The following CEP112 variants were observed in gnomAD, a reference collection of about 807,000 sequenced individuals.
The protein encoded by CEP112 is centrosomal protein 112, also known as centrosomal protein of 112 kDa.
In CEP112, 127 loss-of-function variants were observed where a neutral mutation model predicts 153.0. That is an observed-to-expected ratio of 0.83 (90% confidence interval 0.72 to 0.96). The LOEUF (loss-of-function observed/expected upper bound fraction) is 0.96. Among genes scored for constraint, CEP112 ranks in the 40% least tolerant of loss-of-function variants. The probability of loss-of-function intolerance (pLI) is 0.00; values close to 1 mark genes in which losing one functional copy is unlikely to be tolerated. For missense variants in CEP112, 1,089 were observed against 1,101.2 expected (o/e 0.99, Z 0.16); for synonymous variants, 358 against 374.4 (o/e 0.96, Z 0.51).
chr17:65,650,094 C>T (rs1273786349), intron 24 of CEP112, among the ~76,000 whole-genome samples: 1 of 152,232 alleles, frequency 6.6e-6, no homozygotes, highest in East Asian at 1.9e-4. Flanking sequence ...TTGCTTTCTT[C>T]CAATTCATTC....
intron 17 of CEP112, among the ~76,000 whole-genome samples, chr17:65,972,014 A>G (rs1272160456): frequency 6.6e-6 from 1 of 152,200 alleles, no homozygotes; most frequent in African/African-American, 2.4e-5. Flanking sequence ...ATAAAGAGCT[A>G]GGATAACTAG....
At chr17:65,770,458 C>T (rs2053276709) in intron 21 of CEP112, among the ~76,000 whole-genome samples, 1 of 151,938 alleles carries the variant, frequency 6.6e-6, no homozygotes, top group African/African-American at 2.4e-5. Flanking sequence ...AATTTGTCAC[C>T]AGTAGATGTG....
intron 21 of CEP112, among the ~76,000 whole-genome samples, chr17:65,831,755 G>T (rs1454087162): frequency 2.0e-5 from 3 of 151,948 alleles, no homozygotes; most frequent in African/African-American, 7.3e-5. Context: ...TTCAACAGCA[G>T]ACTTGACAAA....
intron 16 of CEP112, among the ~76,000 whole-genome samples, chr17:66,022,711 G>GTAA (rs60618756): frequency 3.1e-5 from 4 of 127,058 alleles, no homozygotes; most frequent in African/African-American, 3.0e-5. Flanking sequence ...TCCGCCTCAA[G>GTAA]AAAAAAAAAA....
At chr17:65,890,448 C>A (rs955529857) in intron 20 of CEP112, among the ~76,000 whole-genome samples, 2 of 152,158 alleles carry the variant, frequency 1.3e-5, no homozygotes, top group African/African-American at 4.8e-5. Context: ...TCTAATGGAA[C>A]CTCTTCTGAT....
intron 17 of CEP112, among the ~76,000 whole-genome samples, chr17:65,998,983 A>G (rs2063904826): frequency 6.6e-6 from 1 of 152,074 alleles, no homozygotes; most frequent in Non-Finnish European, 1.5e-5. Flanking sequence ...ATACAGAAAT[A>G]CTTTTATATC....
chr17:66,048,899 A>G (rs8078773), intron 12 of CEP112, among the ~76,000 whole-genome samples: 149,310 of 152,270 alleles, frequency 0.98, 73,269 homozygotes, highest in East Asian at 1. Context: ...GAGAGCCACC[A>G]CGCCAGGCCA....
At chr17:66,111,574 T>C (rs1473592983) in intron 6 of CEP112, among the ~76,000 whole-genome samples, 1 of 152,146 alleles carries the variant, frequency 6.6e-6, no homozygotes, top group Non-Finnish European at 1.5e-5. Context: ...AGCTAGAGGC[T>C]ATTACACTTA....
chr17:65,810,893 T>G (rs971384587), intron 21 of CEP112, among the ~76,000 whole-genome samples: 1 of 151,956 alleles, frequency 6.6e-6, no homozygotes, highest in Non-Finnish European at 1.5e-5. Flanking sequence ...AGGTGGAACA[T>G]GGATATAGAT....
intron 20 of CEP112, among the ~76,000 whole-genome samples, chr17:65,871,696 T>C: frequency 6.6e-6 from 1 of 152,230 alleles, no homozygotes; most frequent in South Asian, 2.1e-4. Flanking sequence ...GAAATCACTC[T>C]AATGCCATTA....
chr17:66,119,902 T>C (rs968283393), intron 6 of CEP112, among the ~76,000 whole-genome samples: 1 of 152,180 alleles, frequency 6.6e-6, no homozygotes. Context: ...GTCAGGTCTT[T>C]GTTTGTTTTC....
chr17:66,052,527 T>C (rs1214080297), intron 12 of CEP112, among the ~76,000 whole-genome samples: 1 of 152,094 alleles, frequency 6.6e-6, no homozygotes, highest in Non-Finnish European at 1.5e-5. Context: ...CAATGAAGAT[T>C]CTCTTTGGGA....
rs544192914 is a variant in CEP112, at chr17:66,128,968, A to C, written c.642+778T>G. The stretch of plus-strand genomic sequence containing the variant: ...GTCTCTGTTGATTTTTATTCCTCTG[A>C]TTTTCTATATTTTTCAAATTACAAA... On this transcript the variant is annotated intron_variant, in intron 6 of 26. Coordinates refer to ENST00000535342, the MANE Select transcript of CEP112 (RefSeq NM_001199165.4). 9.1e-4 allele frequency among the ~76,000 whole-genome samples: 138 copies of C among 152,194 alleles called. 1 individual carries two copies. Among genetic ancestry groups the C allele is most frequent in the Non-Finnish European group, 1.7e-3 (114 of 68,008 alleles).
intron 21 of CEP112, among the ~76,000 whole-genome samples, chr17:65,792,444 C>T (rs535752692): frequency 6.6e-6 from 1 of 152,074 alleles, no homozygotes; most frequent in South Asian, 2.1e-4. Flanking sequence ...GCAAGTAATT[C>T]GGGAACATTT....
At chr17:66,120,493 G>A (rs1033701567) in intron 6 of CEP112, among the ~76,000 whole-genome samples, 8 of 152,032 alleles carry the variant, frequency 5.3e-5, no homozygotes, top group East Asian at 1.9e-4. Context: ...GAGCCACTGC[G>A]CCCAGCCTGT....
chr17:65,929,433 C>T (rs1420728999), intron 18 of CEP112, among the ~76,000 whole-genome samples: 3 of 152,192 alleles, frequency 2.0e-5, no homozygotes, highest in African/African-American at 4.8e-5. Flanking sequence ...GATATTCACA[C>T]AGTTTCTTTC....
At chr17:65,729,604 T>A (rs2050381778) in intron 23 of CEP112, among the ~76,000 whole-genome samples, 2 of 152,218 alleles carry the variant, frequency 1.3e-5, no homozygotes, top group African/African-American at 2.4e-5. Flanking sequence ...TCCAAGTAGT[T>A]TTTTGTTAAA....
At chr17:65,719,926 A>G (rs12603381) in intron 23 of CEP112, among the ~76,000 whole-genome samples, 38,842 of 151,814 alleles carry the variant, frequency 0.26, 6,373 homozygotes, top group African/African-American at 0.46. Context: ...TGTGGAGGAG[A>G]GGTTGGAAGG....
At chr17:65,859,451 A>G (rs1309044804) in intron 20 of CEP112, among the ~76,000 whole-genome samples, 9 of 151,098 alleles carry the variant, frequency 6.0e-5, no homozygotes, top group Non-Finnish European at 1.0e-4. Flanking sequence ...AAAAAAAAAA[A>G]AAAAGAAAAG....
Sources: allele counts gnomAD v4.1 joint callset (sites outside exome capture counted in the v4.1 genomes callset), GRCh38; gene constraint gnomAD v4.1.1; transcripts MANE v1.5; gene names NCBI Gene and HGNC (gene_info 2026-07-23, HGNC 2026-07-21).